TRIQK: variants seen among roughly 807,000 people sequenced by gnomAD.
TRIQK encodes triple QxxK/R motif containing, also known as triple QxxK/R motif-containing protein.
Under a neutral mutation model 10.8 loss-of-function variants are expected in TRIQK, and 10 were observed. The ratio of observed to expected loss-of-function variants is 0.92; its 90% CI spans 0.57 to 1.57. The LOEUF is 1.57. TRIQK is among the 40% of genes most tolerant of loss of function. TRIQK has a pLI of 0.00. For missense variants in TRIQK, 107 were observed against 97.7 expected, an observed-to-expected ratio of 1.09 and a Z score of -0.40; for synonymous variants, 33 against 33.7, an observed-to-expected ratio of 0.98 and a Z score of 0.07.
chr8:92,970,491 A>G (rs1488798761), upstream of TRIQK, among the ~76,000 whole-genome samples: 1 of 152,186 alleles, frequency 6.6e-6, no homozygotes, highest in Non-Finnish European at 1.5e-5. Context: ...AATAATTGCC[A>G]TTCTGACTGG....
At chr8:92,954,709 T>C (rs190464020) in intron 1 of TRIQK, 145 bp from the exon 2 acceptor site, 1 of 152,040 alleles carries the variant, frequency 6.6e-6, no homozygotes, top group African/African-American at 2.4e-5. Context: ...TCTGAATACG[T>C]TTCTATGCCA....
At chr8:92,896,113 T>A (rs1036184189) in intron 3 of TRIQK, among the ~76,000 whole-genome samples, 1 of 152,096 alleles carries the variant, frequency 6.6e-6, no homozygotes, top group African/African-American at 2.4e-5. Context: ...AAGGGCAACA[T>A]CTCCAGAGAG....
intron 2 of TRIQK, among the ~76,000 whole-genome samples, chr8:92,951,100 A>AT (rs1051199546): frequency 7.3e-5 from 11 of 151,540 alleles, no homozygotes; most frequent in African/African-American, 1.2e-4. Context: ...TTTTTCTGTT[A>AT]TTTTTTTATT....
chr8:92,970,728 T>A (rs117369406), upstream of TRIQK, among the ~76,000 whole-genome samples: 3,337 of 152,270 alleles, frequency 0.022, 39 homozygotes, highest in Non-Finnish European at 0.035. Context: ...ACTGCAAAAA[T>A]TGTCTCCCAT....
intron 2 of TRIQK, among the ~76,000 whole-genome samples, chr8:92,938,525 T>C (rs1264412237): frequency 6.6e-6 from 1 of 152,162 alleles, no homozygotes; most frequent in African/African-American, 2.4e-5. Context: ...CTTAGATGTA[T>C]CGTTTTGTAA....
At chr8:92,939,483 A>T (rs1272321792) in intron 2 of TRIQK, among the ~76,000 whole-genome samples, 2 of 152,144 alleles carry the variant, frequency 1.3e-5, no homozygotes, top group Non-Finnish European at 2.9e-5. Flanking sequence ...TGTCAGAGAC[A>T]TGAAGGGATA....
rs1816390548 is a variant in TRIQK, at chr8:92,884,893, G to A, written c.*1729C>T. Reference sequence around the variant, plus strand: ...TCTTGACATGTGGCATGTCACTCAGGAAAGTAAAAGGCCCATCATATCCAA... The same window carrying A: ...TCTTGACATGTGGCATGTCACTCAGAAAAGTAAAAGGCCCATCATATCCAA... On this transcript the variant is annotated 3_prime_UTR_variant, in exon 5 of 5. Coordinates refer to ENST00000521988, the MANE Select transcript of TRIQK (RefSeq NM_001171797.2). 2 of 455,954 alleles carry A rather than the reference G, an allele frequency of 4.4e-6. No individual in the cohort carries two copies. The highest frequency in any genetic ancestry group is 4.0e-5 in the African/African-American group (2 of 49,948). The allele number at this position is 455,954 out of a possible 1,614,324, so 28.2% of individuals were successfully genotyped here. A position where few individuals can be genotyped will look rare whatever the true frequency, so the allele number is the denominator to read the frequency against.
intron 3 of TRIQK, among the ~76,000 whole-genome samples, chr8:92,892,611 C>A (rs1816822154): frequency 6.6e-6 from 1 of 151,472 alleles, no homozygotes; most frequent in Non-Finnish European, 1.5e-5. Flanking sequence ...AAAAATATTT[C>A]TTTTATTTCC....
chr8:93,004,588 G>C (rs543365055), intron 1 of TRIQK, among the ~76,000 whole-genome samples: 1 of 152,188 alleles, frequency 6.6e-6, no homozygotes, highest in Admixed American at 6.5e-5. Flanking sequence ...CTACCCCATG[G>C]TTGAGCCGCA....
At position 92,950,021 on chromosome 8, in the gene TRIQK, T is replaced by G. The variant is rs75051549; in HGVS notation, c.-22+4385A>C. ...AAGCCTATAACAACTTAATTACATA[T>G]ACGATGTACAATATCTGGTATTATT... On this transcript the variant is annotated intron_variant, in intron 2 of 4. Coordinates refer to ENST00000521988, the MANE Select transcript of TRIQK (RefSeq NM_001171797.2). Among the ~76,000 whole-genome samples the G allele has an allele frequency of 2.6e-5, 4 of 152,188 alleles. No individual in the cohort carries two copies. In the East Asian group the frequency reaches 7.7e-4, roughly 29 times the overall value.
intron 4 of TRIQK, among the ~76,000 whole-genome samples, chr8:92,888,829 T>C (rs1586361162): frequency 6.6e-6 from 1 of 151,708 alleles, no homozygotes; most frequent in South Asian, 2.1e-4. Context: ...ACTATAATTA[T>C]GCTTTTCATA....
At chr8:92,915,739 T>C (rs1476143313) in intron 3 of TRIQK, among the ~76,000 whole-genome samples, 3 of 147,176 alleles carry the variant, frequency 2.0e-5, no homozygotes, top group African/African-American at 7.6e-5. Flanking sequence ...GACCTTGTGA[T>C]CCACCTGCCT....
At chr8:92,906,350 G>A (rs185209468) in intron 3 of TRIQK, among the ~76,000 whole-genome samples, 1 of 152,112 alleles carries the variant, frequency 6.6e-6, no homozygotes, top group Admixed American at 6.5e-5. Flanking sequence ...CATACATAGC[G>A]CATGCCTAAA....
intron 3 of TRIQK, among the ~76,000 whole-genome samples, chr8:92,898,795 T>C (rs1808743716): frequency 6.9e-6 from 1 of 145,356 alleles, no homozygotes; most frequent in African/African-American, 2.5e-5. Context: ...TTTTTGTTTT[T>C]TACTTAATTT....
chr8:92,995,545 A>G (rs1554610765), intron 1 of TRIQK, among the ~76,000 whole-genome samples: 1 of 150,696 alleles, frequency 6.6e-6, no homozygotes, highest in Non-Finnish European at 1.5e-5. Flanking sequence ...CATTTATCTT[A>G]TTTTTTTTCA....
At chr8:92,966,978 T>C (rs1166979506), upstream of TRIQK, among the ~76,000 whole-genome samples, 2 of 2,420 alleles carry the variant, frequency 8.3e-4, no homozygotes, top group Non-Finnish European at 1.8e-3. Context: ...GAAAGTAGCA[T>C]ACAAAAAAAA....
At chr8:92,934,948 A>G (rs1208319770) in intron 2 of TRIQK, among the ~76,000 whole-genome samples, 1 of 151,886 alleles carries the variant, frequency 6.6e-6, no homozygotes, top group Non-Finnish European at 1.5e-5. Context: ...GAATAGTACA[A>G]TACGAAAAAG....
At chr8:92,975,023 A>T (rs1812917064) in intron 1 of TRIQK, among the ~76,000 whole-genome samples, 1 of 152,258 alleles carries the variant, frequency 6.6e-6, no homozygotes, top group South Asian at 2.1e-4. Flanking sequence ...CTACTGTCCT[A>T]TTTCTGGCAG....
intron 4 of TRIQK, among the ~76,000 whole-genome samples, chr8:92,887,443 A>C (rs1428116992): frequency 2.0e-5 from 3 of 151,510 alleles, no homozygotes; most frequent in African/African-American, 4.8e-5. Flanking sequence ...TAATAATGAT[A>C]AAAAATTTAC....
Sources: gnomAD v4.1 joint callset for allele counts (sites outside exome capture counted in the v4.1 genomes callset) on GRCh38, gnomAD v4.1.1 for gene constraint, MANE v1.5 for transcripts, NCBI Gene and HGNC (gene_info 2026-07-23, HGNC 2026-07-21) for gene names.